Variants in RBMS3 observed in about 807,000 individuals in gnomAD.
RBMS3 encodes the protein RNA binding motif single stranded interacting protein 3.
A neutral mutation model predicts 66.8 loss-of-function variants in RBMS3; 27 were observed. The observed-to-expected ratio is 0.40, with a 90% CI of 0.30 to 0.56. The LOEUF (loss-of-function observed/expected upper bound fraction) is 0.56. Among genes scored for constraint, RBMS3 ranks in the 20% least tolerant of loss-of-function variants. The pLI is 0.40. For synonymous variants in RBMS3, 188 were observed against 183.0 expected, an observed-to-expected ratio of 1.03 and a Z score of -0.22; for missense variants, 513 against 549.5, an observed-to-expected ratio of 0.93 and a Z score of 0.66.
intron 4 of RBMS3, among the ~76,000 whole-genome samples, chr3:29,649,429 C>G (rs1332082790): frequency 2.6e-5 from 4 of 152,142 alleles, no homozygotes; most frequent in African/African-American, 9.7e-5. Flanking sequence ...CAAGCATATT[C>G]TTACTTTTTT....
intron 2 of RBMS3, among the ~76,000 whole-genome samples, chr3:29,455,480 G>A (rs1007290115): frequency 1.3e-5 from 2 of 151,602 alleles, no homozygotes; most frequent in Non-Finnish European, 2.9e-5. Context: ...TGTGGAAAGT[G>A]TAGGGTAAGA....
At chr3:29,730,859 G>T (rs1559614244) in intron 4 of RBMS3, 2 of 981,982 alleles carry the variant, frequency 2.0e-6, no homozygotes, top group African/African-American at 3.5e-5. Flanking sequence ...TCTCAATATT[G>T]TAAAATGTTA....
intron 3 of RBMS3, among the ~76,000 whole-genome samples, chr3:29,574,974 T>G (rs1329610806): frequency 6.6e-6 from 1 of 152,140 alleles, no homozygotes; most frequent in Non-Finnish European, 1.5e-5. Context: ...CAATTGTAGT[T>G]ATTGTTTTTG....
At chr3:29,662,197 T>C (rs1028215193) in intron 4 of RBMS3, among the ~76,000 whole-genome samples, 1 of 152,214 alleles carries the variant, frequency 6.6e-6, no homozygotes, top group Admixed American at 6.5e-5. Context: ...TAGTGATGCA[T>C]GTATAAATAT....
At chr3:29,941,253 C>G (rs757199627) in intron 11 of RBMS3, among the ~76,000 whole-genome samples, 1 of 151,768 alleles carries the variant, frequency 6.6e-6, no homozygotes, top group Non-Finnish European at 1.5e-5. Flanking sequence ...TTCAGTCACA[C>G]CACTCCTTCA....
chr3:29,980,003 ATTG>A (rs1697873998), intron 12 of RBMS3, among the ~76,000 whole-genome samples: 1 of 152,298 alleles, frequency 6.6e-6, no homozygotes, highest in East Asian at 1.9e-4. Context: ...TCCCTGAGGA[ATTG>A]CCACACTGTC....
chr3:29,341,977 C>T, intron 1 of RBMS3, among the ~76,000 whole-genome samples: 1 of 152,084 alleles, frequency 6.6e-6, no homozygotes, highest in East Asian at 1.9e-4. Context: ...TGCAACCTCA[C>T]CCCTCTTGCT....
In RBMS3 at chr3:30,007,863, T is replaced by C. The variant is rs1206032046; in HGVS notation, c.*4001T>C. The C allele has an allele frequency of 6.6e-6, 1 of 152,044 alleles. No individual in the cohort carries two copies. Among genetic ancestry groups the C allele is most frequent in the Non-Finnish European group, 1.5e-5 (1 of 67,948 alleles). 9.4% of individuals were successfully genotyped at this position (152,044 alleles called of 1,614,324 possible). ...GTGACCTTAGCAGATCTGTCACATT[T>C]GAAAGCATATGACTCACTTCCACCC... is the stretch of plus-strand genomic sequence containing the variant. On this transcript the variant is annotated 3_prime_UTR_variant, in exon 15 of 15. Coordinates refer to ENST00000383767, the MANE Select transcript of RBMS3 (RefSeq NM_001003793.3).
chr3:29,305,148 A>G (rs980773072), intron 1 of RBMS3, among the ~76,000 whole-genome samples: 2 of 151,772 alleles, frequency 1.3e-5, no homozygotes, highest in African/African-American at 2.4e-5. Flanking sequence ...TCCCAGCCCA[A>G]TCTTAACATA....
At chr3:29,801,186 T>G (rs2057376195) in intron 6 of RBMS3, among the ~76,000 whole-genome samples, 1 of 152,020 alleles carries the variant, frequency 6.6e-6, no homozygotes, top group Non-Finnish European at 1.5e-5. Context: ...GACACAGCAA[T>G]GGGGGTCAGT....
chr3:29,689,286 T>G (rs1395819778), intron 4 of RBMS3, among the ~76,000 whole-genome samples: 1 of 152,132 alleles, frequency 6.6e-6, no homozygotes, highest in African/African-American at 2.4e-5. Context: ...CATAAAAAGA[T>G]CTACATCTTT....
intron 4 of RBMS3, among the ~76,000 whole-genome samples, chr3:29,676,156 T>C (rs2149253479): frequency 6.6e-6 from 1 of 152,310 alleles, no homozygotes; most frequent in East Asian, 1.9e-4. Flanking sequence ...ACCATCATTC[T>C]CAGCAAACTA....
chr3:29,625,686 G>A (rs1454802721), intron 4 of RBMS3, among the ~76,000 whole-genome samples: 1 of 137,936 alleles, frequency 7.2e-6, no homozygotes, highest in Non-Finnish European at 1.5e-5. Context: ...CAAAAAGAGT[G>A]AAACGCCATT....
At chr3:29,881,291 C>T (rs995646650) in intron 7 of RBMS3, among the ~76,000 whole-genome samples, 6 of 152,118 alleles carry the variant, frequency 3.9e-5, no homozygotes, top group Non-Finnish European at 1.5e-5. Flanking sequence ...CATCTGCACC[C>T]CATCCATACC....
chr3:29,586,330 G>T (rs1347212153), intron 3 of RBMS3, among the ~76,000 whole-genome samples: 1 of 151,930 alleles, frequency 6.6e-6, no homozygotes, highest in East Asian at 1.9e-4. Context: ...CTATTTCTTT[G>T]CTTTCACCAT....
intron 3 of RBMS3, among the ~76,000 whole-genome samples, chr3:29,506,141 T>C (rs1261664888): frequency 6.6e-6 from 1 of 151,954 alleles, no homozygotes; most frequent in Non-Finnish European, 1.5e-5. Flanking sequence ...AGAGTGGGAA[T>C]CCTTGTCTTG....
At chr3:29,966,104 C>T (rs962248568) in intron 12 of RBMS3, among the ~76,000 whole-genome samples, 19 of 152,122 alleles carry the variant, frequency 1.2e-4, no homozygotes, top group African/African-American at 4.6e-4. Context: ...ATTTTTATAT[C>T]AGTACCATGC....
intron 3 of RBMS3, among the ~76,000 whole-genome samples, chr3:29,550,140 G>A (rs781565042): frequency 2.9e-4 from 44 of 152,120 alleles, no homozygotes; most frequent in African/African-American, 8.2e-4. Flanking sequence ...AGCTCCATTG[G>A]TTCTGTTTTA....
At chr3:29,805,472 T>A (rs906599429) in intron 6 of RBMS3, among the ~76,000 whole-genome samples, 5 of 151,994 alleles carry the variant, frequency 3.3e-5, no homozygotes, top group Non-Finnish European at 7.4e-5. Flanking sequence ...TCAGAAGAAG[T>A]CATTGTTATC....
Sources: gnomAD v4.1 joint callset for allele counts (sites outside exome capture counted in the v4.1 genomes callset) on GRCh38, gnomAD v4.1.1 for gene constraint, MANE v1.5 for transcripts, NCBI Gene and HGNC (gene_info 2026-07-23, HGNC 2026-07-21) for gene names.